The following LTBP1 variants were observed in gnomAD, a reference collection of about 807,000 sequenced individuals.
LTBP1 encodes latent transforming growth factor beta binding protein 1.
Under a neutral mutation model 207.6 loss-of-function variants are expected in LTBP1, and 129 were observed. The observed-to-expected ratio is 0.62, with a 90% CI of 0.54 to 0.72. The LOEUF (loss-of-function observed/expected upper bound fraction) is 0.72, where lower values mean the gene tolerates loss of function less well. Ranked by LOEUF, LTBP1 falls within the 30% of genes least tolerant of loss-of-function variation. The pLI is 0.00. For missense variants in LTBP1, 2,281 were observed against 2,217.2 expected (o/e 1.03, Z -0.58); for synonymous variants, 963 against 833.7 (o/e 1.16, Z -2.67).
chr2:33,013,097 A>G (rs918297201), intron 2 of LTBP1, among the ~76,000 whole-genome samples: 1 of 152,190 alleles, frequency 6.6e-6, no homozygotes, highest in African/African-American at 2.4e-5. Flanking sequence ...ACCTACATAT[A>G]TGTATGCCCA....
intron 3 of LTBP1, among the ~76,000 whole-genome samples, chr2:33,056,164 T>C (rs2076987663): frequency 6.6e-6 from 1 of 152,130 alleles, no homozygotes; most frequent in African/African-American, 2.4e-5. Context: ...GAGAGAATAT[T>C]GGGGCCAAGC....
Position 33,398,510 on chromosome 2 carries a change from G to T in LTBP1, c.5131G>T (p.Ala1711Ser). ...KPNYCTPLNT[A>S]LNLEKDSDLE ...AAACTACTGCACTCCGTTGAATACCGCCTTGAATTTAGAGAAAGACAGTGA... is the reference window on the plus strand; with the variant it reads ...AAACTACTGCACTCCGTTGAATACCTCCTTGAATTTAGAGAAAGACAGTGA... Residue 1711 changes from alanine (A) to serine (S), a missense_variant, in exon 34 of 34, where the codon GCC (alanine) becomes TCC (serine). By Grantham distance (99) the Ala-to-Ser change is moderately conservative (BLOSUM62 1). This residue lies in a region of LTBP1 where 1,671 missense variants were observed against 1,634.8 expected (regional missense o/e 1.02). Coordinates refer to ENST00000404816, the MANE Select transcript of LTBP1 (RefSeq NM_206943.4). 1 of 1,614,116 alleles carries T rather than the reference G, an allele frequency of 6.2e-7. No individual in the cohort carries two copies. Among genetic ancestry groups the T allele is most frequent in the Non-Finnish European group, 8.5e-7 (1 of 1,179,982 alleles).
chr2:33,267,080 G>T (rs1360369320), intron 15 of LTBP1, among the ~76,000 whole-genome samples: 1 of 152,254 alleles, frequency 6.6e-6, no homozygotes, highest in Non-Finnish European at 1.5e-5. Flanking sequence ...CCAGATGCTG[G>T]TGCCTGCAGC....
At chr2:33,337,598 A>G (rs914554159) in intron 24 of LTBP1, among the ~76,000 whole-genome samples, 3 of 152,188 alleles carry the variant, frequency 2.0e-5, no homozygotes, top group African/African-American at 7.2e-5. Flanking sequence ...TTATAATACC[A>G]CACCTGATTT....
chr2:33,365,736 C>G (rs2094978636), intron 31 of LTBP1, among the ~76,000 whole-genome samples: 1 of 151,784 alleles, frequency 6.6e-6, no homozygotes, highest in African/African-American at 2.4e-5. Context: ...ATTCCATTAC[C>G]CCAATGAATG....
At chr2:33,319,566 A>C (rs963193070) in intron 24 of LTBP1, among the ~76,000 whole-genome samples, 2 of 151,962 alleles carry the variant, frequency 1.3e-5, no homozygotes, top group Non-Finnish European at 2.9e-5. Flanking sequence ...AAACCTCCTG[A>C]TCTCTGACTT....
At chr2:32,956,003 A>C (rs1333601954) in intron 2 of LTBP1, among the ~76,000 whole-genome samples, 1 of 152,210 alleles carries the variant, frequency 6.6e-6, no homozygotes, top group African/African-American at 2.4e-5. Flanking sequence ...TATATACTAT[A>C]TTGTAGACTA....
chr2:32,957,795 CAAAAT>C (rs1370982784), intron 2 of LTBP1, among the ~76,000 whole-genome samples: 20 of 152,100 alleles, frequency 1.3e-4, no homozygotes, highest in Non-Finnish European at 2.2e-4. Context: ...TAAAGTGAAG[CAAAAT>C]AAAATGAGGT....
chr2:33,189,017 C>T (rs2087532267), intron 7 of LTBP1, among the ~76,000 whole-genome samples, 166 bp downstream of exon 7: 1 of 152,146 alleles, frequency 6.6e-6, no homozygotes, highest in Non-Finnish European at 1.5e-5. Context: ...CACTCATAGC[C>T]ACACTTATTC....
chr2:33,022,651 G>A (rs1287072327), intron 3 of LTBP1, among the ~76,000 whole-genome samples: 4 of 152,274 alleles, frequency 2.6e-5, no homozygotes, highest in African/African-American at 2.4e-5. Context: ...AGGCAGTCAC[G>A]TTTCAGCATC....
chr2:32,965,823 A>G (rs997754643), intron 2 of LTBP1, among the ~76,000 whole-genome samples: 2 of 152,200 alleles, frequency 1.3e-5, no homozygotes, highest in African/African-American at 2.4e-5. Flanking sequence ...TAAGTTTTCA[A>G]CACTTTTGTG....
intron 5 of LTBP1, among the ~76,000 whole-genome samples, chr2:33,154,247 G>A (rs1002067473): frequency 6.6e-6 from 1 of 152,076 alleles, no homozygotes; most frequent in African/African-American, 2.4e-5. Flanking sequence ...TTAAAAAAAT[G>A]GAATTAGGTT....
chr2:33,102,090 G>T (rs1216869828), intron 3 of LTBP1, among the ~76,000 whole-genome samples: 7 of 152,174 alleles, frequency 4.6e-5, no homozygotes, highest in African/African-American at 7.2e-5. Flanking sequence ...AGGTTGTGCA[G>T]TTTTGATCTC....
chr2:32,988,287 G>A (rs1683898459), intron 2 of LTBP1, among the ~76,000 whole-genome samples: 1 of 152,196 alleles, frequency 6.6e-6, no homozygotes. Context: ...ACTCTTTTGA[G>A]GTGGACCTTT....
At chr2:33,391,453 A>G (rs2095313816) in intron 32 of LTBP1, among the ~76,000 whole-genome samples, 1 of 152,180 alleles carries the variant, frequency 6.6e-6, no homozygotes, top group African/African-American at 2.4e-5. Context: ...GAAAAAAGGA[A>G]GGGAGAAGAA....
intron 26 of LTBP1, among the ~76,000 whole-genome samples, chr2:33,359,630 A>G (rs1025025363): frequency 1.3e-5 from 2 of 152,210 alleles, no homozygotes; most frequent in African/African-American, 4.8e-5. Context: ...AGTAATTATT[A>G]TGACAGTAGT....
chr2:33,110,645 C>T lies in LTBP1; in HGVS notation c.927C>T (p.Leu309=), dbSNP rs758950976. The change falls in exon 4 of 34, where the codon CTC becomes CTT. Residue 309 remains leucine, a synonymous_variant. Transcript: ENST00000404816. The part of the protein sequence containing the change: ...IHHGQTQEYV[L]KPKYFPAQKG... Reference sequence around the variant, plus strand: ...ATGGCCAGACCCAGGAATACGTGCTCAAGCCCAAGTACTTTCCAGCCCAGA... The same window carrying T: ...ATGGCCAGACCCAGGAATACGTGCTTAAGCCCAAGTACTTTCCAGCCCAGA... The T allele has an allele frequency of 1.2e-6, 2 of 1,614,204 alleles. No homozygotes were observed. The highest frequency in any genetic ancestry group is 1.6e-4 in the Middle Eastern group (1 of 6,062).
chr2:32,959,251 G>A (rs1678597650), intron 2 of LTBP1, among the ~76,000 whole-genome samples: 2 of 152,038 alleles, frequency 1.3e-5, no homozygotes, highest in Admixed American at 1.3e-4. Flanking sequence ...AGTTGATGTG[G>A]CCAACTTTAC....
At chr2:33,219,558 CCTCTTTGTTTACCATGT>C (rs2090958967) in intron 8 of LTBP1, among the ~76,000 whole-genome samples, 1 of 151,836 alleles carries the variant, frequency 6.6e-6, no homozygotes, top group South Asian at 2.1e-4. Context: ...TTTAAACCTG[CCTCTTTGTTTACCATGT>C]CTGTCTGTCT....
Sources: gnomAD v4.1 joint callset for allele counts (sites outside exome capture counted in the v4.1 genomes callset) on GRCh38, gnomAD v4.1.1 for gene constraint, gnomAD v4.1.1 regional missense constraint, MANE v1.5 for transcripts, NCBI Gene and HGNC (gene_info 2026-07-23, HGNC 2026-07-21) for gene names.